STPG2: variants seen among roughly 807,000 people sequenced by gnomAD.
STPG2 encodes the protein sperm-tail PG-rich repeat-containing protein 2.
STPG2 carries 56 observed loss-of-function variants against 54.2 expected under a neutral mutation model. The ratio of observed to expected loss-of-function variants is 1.03; its 90% CI spans 0.83 to 1.29. The LOEUF is 1.29. Ranked by LOEUF, STPG2 falls within the 50% of genes most tolerant of loss-of-function variation. The pLI is 0.00. For synonymous variants in STPG2, 200 were observed against 181.8 expected (o/e 1.10, Z -0.81); for missense variants, 596 against 544.9 (o/e 1.09, Z -0.93).
At chr4:97,851,166 G>A (rs1295993002) in intron 8 of STPG2, among the ~76,000 whole-genome samples, 4 of 152,078 alleles carry the variant, frequency 2.6e-5, no homozygotes, top group South Asian at 2.1e-4. Context: ...CTCTAATGAC[G>A]TGTTTAATAT....
At chr4:97,635,504 T>G (rs1239128273) in intron 10 of STPG2, among the ~76,000 whole-genome samples, 2 of 152,152 alleles carry the variant, frequency 1.3e-5, no homozygotes, top group African/African-American at 4.8e-5. Flanking sequence ...TAACTTTAAA[T>G]GTAAATGGAC....
intron 3 of STPG2, among the ~76,000 whole-genome samples, chr4:98,117,748 T>C (rs1401029032): frequency 2.7e-4 from 41 of 152,128 alleles, no homozygotes; most frequent in Non-Finnish European, 2.9e-5. Context: ...ATTGTAATTT[T>C]CAAATCCAGA....
At chr4:97,952,443 ATTC>A (rs1229997430) in intron 7 of STPG2, among the ~76,000 whole-genome samples, 1 of 152,098 alleles carries the variant, frequency 6.6e-6, no homozygotes. Context: ...TGCCAGCTGG[ATTC>A]TTTTGTCCCA....
At chr4:97,968,304 C>A (rs1470971477) in intron 7 of STPG2, among the ~76,000 whole-genome samples, 1 of 152,096 alleles carries the variant, frequency 6.6e-6, no homozygotes, top group Non-Finnish European at 1.5e-5. Context: ...TAATGGCCTA[C>A]CAACCAAAAA....
chr4:97,896,085 C>G (rs964147852), intron 8 of STPG2, among the ~76,000 whole-genome samples: 1 of 151,716 alleles, frequency 6.6e-6, no homozygotes, highest in Non-Finnish European at 1.5e-5. Flanking sequence ...GAAGGCTTTC[C>G]TCATGATAGT....
intron 8 of STPG2, among the ~76,000 whole-genome samples, chr4:97,874,277 C>A (rs1730097695): frequency 6.6e-6 from 1 of 151,544 alleles, no homozygotes; most frequent in Non-Finnish European, 1.5e-5. Context: ...CTTATTTTTG[C>A]TTGTCATTGC....
At chr4:97,567,118 G>A (rs976370261) in intron 10 of STPG2, among the ~76,000 whole-genome samples, 1 of 151,256 alleles carries the variant, frequency 6.6e-6, no homozygotes, top group East Asian at 1.9e-4. Context: ...AGTTTATCAG[G>A]CTGGATTTTA....
intron 8 of STPG2, among the ~76,000 whole-genome samples, chr4:97,855,651 C>G (rs1171952289): frequency 6.6e-6 from 1 of 152,124 alleles, no homozygotes; most frequent in East Asian, 1.9e-4. Flanking sequence ...TTCTGCTGTG[C>G]AGAAGCTCTT....
chr4:97,447,793 G>A (rs1468379815), intron 4 of STPG2, among the ~76,000 whole-genome samples: 1 of 152,224 alleles, frequency 6.6e-6, no homozygotes, highest in Non-Finnish European at 1.5e-5. Context: ...CTAGAGCAGT[G>A]TGGAAGGGAA....
At chr4:97,990,760 T>TTCATCTGTA (rs1734977214) in intron 5 of STPG2, among the ~76,000 whole-genome samples, 1 of 152,206 alleles carries the variant, frequency 6.6e-6, no homozygotes, top group Non-Finnish European at 1.5e-5. Flanking sequence ...ATGGCATCTT[T>TTCATCTGTA]TCATCTGTAA....
rs560110696 is a variant in STPG2 at position 97,647,118 on chromosome 4, T to G, written c.1320+65581A>C. On this transcript the variant is annotated intron_variant, in intron 10 of 10. Coordinates refer to ENST00000295268, the MANE Select transcript of STPG2 (RefSeq NM_174952.3). ...AACATAACAATAATAAATCTGAATC[T>G]CACATTTAATTGGATTAAATGAATC... is the stretch of plus-strand genomic sequence containing the variant. Among the ~76,000 whole-genome samples the G allele has an allele frequency of 3.3e-5, 5 of 152,272 alleles. No individual in the cohort carries two copies. In the South Asian group the frequency reaches 1.0e-3, roughly 32 times the overall value.
chr4:97,844,303 T>C (rs1393044680), intron 8 of STPG2, among the ~76,000 whole-genome samples: 3 of 151,932 alleles, frequency 2.0e-5, no homozygotes, highest in East Asian at 1.9e-4. Flanking sequence ...AATCCCTAAA[T>C]TGTCTCCCAT....
chr4:97,904,569 C>T lies in STPG2; in HGVS notation c.1044+39328G>A, dbSNP rs183607384. Among the ~76,000 whole-genome samples the T allele has an allele frequency of 6.6e-5, 10 of 152,332 alleles. No homozygotes were observed. The East Asian group carries it at 1.2e-3, about 18-fold the overall frequency. On this transcript the variant is annotated intron_variant, in intron 8 of 10. Coordinates refer to ENST00000295268, the MANE Select transcript of STPG2 (RefSeq NM_174952.3). The stretch of plus-strand genomic sequence containing the variant: ...TCCTGCCTCTCCTCCTCCAAAGGAA[C>T]GCAGTTCCTCACCAGCAACGGAACA...
chr4:97,908,390 A>C (rs1460788550), intron 8 of STPG2, among the ~76,000 whole-genome samples: 2 of 150,270 alleles, frequency 1.3e-5, no homozygotes, highest in Admixed American at 1.3e-4. Context: ...GATGTGGAGA[A>C]ATAGGAACAC....
intron 3 of STPG2, among the ~76,000 whole-genome samples, chr4:98,116,798 A>G (rs1739536334): frequency 1.3e-5 from 2 of 151,952 alleles, no homozygotes; most frequent in African/African-American, 4.8e-5. Flanking sequence ...TCTTATGGTT[A>G]GAAAAGGAAA....
intron 8 of STPG2, among the ~76,000 whole-genome samples, chr4:97,866,807 T>C (rs1049913388): frequency 2.0e-5 from 3 of 151,996 alleles, no homozygotes; most frequent in Non-Finnish European, 4.4e-5. Flanking sequence ...TAAGCTTGAA[T>C]TTGGAACTGA....
chr4:98,117,810 T>C (rs1226656395), intron 3 of STPG2, among the ~76,000 whole-genome samples: 1 of 152,116 alleles, frequency 6.6e-6, no homozygotes, highest in Non-Finnish European at 1.5e-5. Flanking sequence ...ATGCTCTCTA[T>C]TGGGTAAGGC....
At chr4:97,955,511 G>A (rs748465611) in intron 7 of STPG2, among the ~76,000 whole-genome samples, 15 of 151,986 alleles carry the variant, frequency 9.9e-5, no homozygotes, top group Non-Finnish European at 2.2e-4. Context: ...CACCGCACCC[G>A]GCCTAATACA....
In STPG2 at chr4:97,913,497, T is replaced by A. The variant is rs546605471; in HGVS notation, c.1044+30400A>T. ...ACGATAGGCTATAGACATAAATAAC[T>A]TATTGGGTTCCTAACCTATAGAACA... On this transcript the variant is annotated intron_variant, in intron 8 of 10. Coordinates refer to ENST00000295268, the MANE Select transcript of STPG2 (RefSeq NM_174952.3). 1.3e-4 allele frequency among the ~76,000 whole-genome samples: 20 copies of A among 152,296 alleles called. No homozygotes were observed. The East Asian group carries it at 3.9e-3, about 29-fold the overall frequency.
Sources: allele counts gnomAD v4.1 joint callset (sites outside exome capture counted in the v4.1 genomes callset), GRCh38; gene constraint gnomAD v4.1.1; transcripts MANE v1.5; gene names NCBI Gene and HGNC (gene_info 2026-07-23, HGNC 2026-07-21).